The following R3HDM2 variants were observed in gnomAD, a reference collection of about 807,000 sequenced individuals.
The protein encoded by R3HDM2 is R3H domain containing 2, also known as R3H domain-containing protein 2.
In R3HDM2, 38 loss-of-function variants were observed where a neutral mutation model predicts 124.5. The ratio of observed to expected loss-of-function variants is 0.31; its 90% confidence interval spans 0.24 to 0.40. The LOEUF is 0.40. R3HDM2 is among the 10% of genes least tolerant of loss of function. The probability of loss-of-function intolerance (pLI) is 1.00; values close to 1 mark genes in which losing one functional copy is unlikely to be tolerated. For missense variants in R3HDM2, 869 were observed against 1,236.9 expected, an observed-to-expected ratio of 0.70 and a Z score of 4.46; for synonymous variants, 391 against 448.0, an observed-to-expected ratio of 0.87 and a Z score of 1.61.
chr12:57,356,040 A>G (rs2061254532), intron 2 of R3HDM2, among the ~76,000 whole-genome samples: 1 of 152,102 alleles, frequency 6.6e-6, no homozygotes, highest in Non-Finnish European at 1.5e-5. Flanking sequence ...TTTCAATCTT[A>G]TGCCTTTTAC....
rs780348172 is a variant in R3HDM2, at chr12:57,283,978, T to G, written c.1017A>C (p.Pro339=). ...STDSELKSLE[P]RPWSSTDSDG... is the part of the protein sequence containing the mutation. ...CAGAGTCTGTGCTGCTCCAAGGGCG[T>G]GGCTCCAGGGATTTGAGTTCGCTGT... is the stretch of plus-strand genomic sequence containing the variant. Residue 339 remains proline, a synonymous_variant, in exon 13 of 24, where the codon CCA becomes CCC. Transcript: ENST00000402412. 3.7e-6 allele frequency: 6 copies of G among 1,614,036 alleles called. No homozygotes were observed. The highest frequency in any genetic ancestry group is 1.7e-6 in the Non-Finnish European group (2 of 1,179,960).
At chr12:57,294,393 GT>G (rs971597846) in intron 10 of R3HDM2, among the ~76,000 whole-genome samples, 3 of 152,026 alleles carry the variant, frequency 2.0e-5, no homozygotes, top group African/African-American at 7.2e-5. Context: ...GCTCTTTCTC[GT>G]TTTTTAAATT....
At chr12:57,381,773 T>C (rs1490825435) in intron 2 of R3HDM2, among the ~76,000 whole-genome samples, 3 of 152,040 alleles carry the variant, frequency 2.0e-5, no homozygotes, top group Non-Finnish European at 4.4e-5. Context: ...ATTGCAATTT[T>C]ATATATACAT....
intron 2 of R3HDM2, among the ~76,000 whole-genome samples, chr12:57,360,868 C>T (rs775798375): frequency 2.5e-4 from 38 of 151,634 alleles, no homozygotes; most frequent in Non-Finnish European, 4.3e-4. Context: ...CTGGCTAACA[C>T]GGTGAAACCC....
intron 2 of R3HDM2, among the ~76,000 whole-genome samples, chr12:57,356,667 A>G (rs963355460): frequency 6.6e-6 from 1 of 152,226 alleles, no homozygotes; most frequent in African/African-American, 2.4e-5. Flanking sequence ...TAAATTCTTG[A>G]TAAGACTTCA....
chr12:57,299,900 G>T (rs1372357387), intron 5 of R3HDM2, among the ~76,000 whole-genome samples, 195 bp downstream of exon 5: 3 of 152,014 alleles, frequency 2.0e-5, no homozygotes, highest in African/African-American at 7.3e-5. Flanking sequence ...CCTGGTGCAG[G>T]TCTGTCAGCA....
chr12:57,333,912 C>G (rs562555664), intron 2 of R3HDM2, among the ~76,000 whole-genome samples: 11 of 151,458 alleles, frequency 7.3e-5, no homozygotes, highest in Non-Finnish European at 4.4e-5. Context: ...CGTGGTGGCA[C>G]GTGCCTGTAA....
chr12:57,327,826 T>C (rs1480005264), intron 2 of R3HDM2, among the ~76,000 whole-genome samples: 1 of 152,108 alleles, frequency 6.6e-6, no homozygotes, highest in Non-Finnish European at 1.5e-5. Context: ...TTCTTACGGA[T>C]GAGCAAAAAA....
At chr12:57,372,538 C>G (rs1046876281) in intron 2 of R3HDM2, among the ~76,000 whole-genome samples, 53 of 152,140 alleles carry the variant, frequency 3.5e-4, no homozygotes, top group African/African-American at 1.2e-3. Flanking sequence ...TGTACTTCCT[C>G]AAAAATCAAA....
At chr12:57,357,169 C>T (rs977634369) in intron 2 of R3HDM2, among the ~76,000 whole-genome samples, 10 of 149,936 alleles carry the variant, frequency 6.7e-5, no homozygotes, top group African/African-American at 2.5e-4. Flanking sequence ...TAAAATGGCT[C>T]ATGATAGGCC....
chr12:57,425,782 A>G (rs1406785615), intron 1 of R3HDM2, among the ~76,000 whole-genome samples: 1 of 152,176 alleles, frequency 6.6e-6, no homozygotes, highest in Non-Finnish European at 1.5e-5. Flanking sequence ...TGGGAGACAC[A>G]GCAAGACTCT....
chr12:57,386,522 C>A (rs913428390), intron 2 of R3HDM2, among the ~76,000 whole-genome samples: 3 of 152,238 alleles, frequency 2.0e-5, no homozygotes, highest in Non-Finnish European at 2.9e-5. Flanking sequence ...GGGCTTGGGA[C>A]CTGCAGCCCG....
In R3HDM2 at chr12:57,284,014, C is replaced by T; in HGVS notation, c.981G>A (p.Gln327=). 1 of 1,612,988 alleles carries T rather than the reference C, an allele frequency of 6.2e-7. No homozygotes were observed. Among genetic ancestry groups the T allele is most frequent in the Non-Finnish European group, 8.5e-7 (1 of 1,179,418 alleles). The change falls in exon 13 of 24, where the codon CAG becomes CAA. Residue 327 remains glutamine (Q), a synonymous_variant. Transcript: ENST00000402412. ...EGLSRTSSSR[Q]SSTDSELKSL... ...ATTTGAGTTCGCTGTCTGTGCTGCTCTGGCGGCTGCTTGAGGTGCGGCTCA... is the reference window on the plus strand; with the variant it reads ...ATTTGAGTTCGCTGTCTGTGCTGCTTTGGCGGCTGCTTGAGGTGCGGCTCA...
intron 17 of R3HDM2, 25 bp from the exon 18 acceptor site, chr12:57,268,482 A>G (rs748374044): frequency 2.5e-6 from 4 of 1,612,512 alleles, no homozygotes; most frequent in Non-Finnish European, 3.4e-6. Context: ...GAAGAGAAAG[A>G]ATCACATTCG....
chr12:57,349,175 T>C (rs1397646684), intron 2 of R3HDM2, among the ~76,000 whole-genome samples: 1 of 151,324 alleles, frequency 6.6e-6, no homozygotes, highest in African/African-American at 2.4e-5. Flanking sequence ...GGTCAGGAGA[T>C]TGAGACCATC....
intron 19 of R3HDM2, among the ~76,000 whole-genome samples, chr12:57,261,250 T>C (rs114570988): frequency 0.012 from 1,759 of 152,348 alleles, 32 homozygotes; most frequent in African/African-American, 0.04. Flanking sequence ...GAGAGTCTAA[T>C]GTAAAAATAA....
At chr12:57,383,909 A>G (rs994514815) in intron 2 of R3HDM2, among the ~76,000 whole-genome samples, 2 of 152,134 alleles carry the variant, frequency 1.3e-5, no homozygotes, top group African/African-American at 4.8e-5. Context: ...TCCCTGACAA[A>G]CAAGTAAAAA....
Position 57,258,063 on chromosome 12 carries a change from G to A in R3HDM2, c.2376C>T (p.Leu792=). ...QSPAPSPVTS[L]SSVCTGLSPL... is the part of the protein sequence containing the mutation. Reference sequence around the variant, plus strand: ...GACTGAGTCCTGTGCAGACACTGCTGAGGCTGGTGACAGGAGAGGGTGCTG... The same window carrying A: ...GACTGAGTCCTGTGCAGACACTGCTAAGGCTGGTGACAGGAGAGGGTGCTG... Residue 792 remains leucine, a synonymous_variant, in exon 21 of 24, where the codon CTC becomes CTT. Coordinates refer to ENST00000402412, the MANE Select transcript of R3HDM2 (RefSeq NM_001394031.1). The A allele has an allele frequency of 1.2e-6, 2 of 1,604,172 alleles. No individual in the cohort carries two copies. Among genetic ancestry groups the A allele is most frequent in the Non-Finnish European group, 1.7e-6 (2 of 1,173,458 alleles).
At chr12:57,312,123 A>C (rs554675686) in intron 2 of R3HDM2, among the ~76,000 whole-genome samples, 3 of 152,300 alleles carry the variant, frequency 2.0e-5, no homozygotes, top group Admixed American at 6.5e-5. Context: ...TAGCCCTAGA[A>C]ATGGAATTAA....
Sources: allele counts gnomAD v4.1 joint callset (sites outside exome capture counted in the v4.1 genomes callset), GRCh38; gene constraint gnomAD v4.1.1; transcripts MANE v1.5; gene names NCBI Gene and HGNC (gene_info 2026-07-23, HGNC 2026-07-21).